SMIM14: variants seen among roughly 807,000 people sequenced by gnomAD.
SMIM14 encodes the protein chromosome 4 open reading frame 34.
Under a neutral mutation model 12.6 loss-of-function variants are expected in SMIM14, and 5 were observed. That is an observed-to-expected ratio of 0.40 (90% confidence interval 0.21 to 0.83). SMIM14 has a LOEUF of 0.83. Among genes scored for constraint, SMIM14 ranks in the 40% least tolerant of loss-of-function variants. The pLI, the probability that SMIM14 is intolerant of heterozygous loss-of-function variation, is 0.37. For synonymous variants in SMIM14, 30 were observed against 40.1 expected (o/e 0.75, Z 0.95); for missense variants, 86 against 119.1 (o/e 0.72, Z 1.29).
intron 1 of SMIM14, among the ~76,000 whole-genome samples, chr4:39,612,659 G>A (rs1047465955): frequency 1.3e-5 from 2 of 148,392 alleles, no homozygotes; most frequent in African/African-American, 2.5e-5. Flanking sequence ...GGAGTGCAGT[G>A]GCACAATCAT....
chr4:39,617,519 T>A (rs1326862209), intron 1 of SMIM14, among the ~76,000 whole-genome samples: 1 of 152,210 alleles, frequency 6.6e-6, no homozygotes, highest in South Asian at 2.1e-4. Flanking sequence ...TTAAACCCTG[T>A]CTTACCCTCT....
At chr4:39,563,371 T>C (rs1712412896) in intron 3 of SMIM14, among the ~76,000 whole-genome samples, 1 of 152,154 alleles carries the variant, frequency 6.6e-6, no homozygotes, top group Admixed American at 6.5e-5. Flanking sequence ...CCCTCTTCTT[T>C]CTCTAGCCAA....
In SMIM14 at chr4:39,592,150, A is replaced by G. The variant is rs558081672; in HGVS notation, c.75+12921T>C. Among the ~76,000 whole-genome samples the G allele has an allele frequency of 2.6e-4, 40 of 152,102 alleles. No individual in the cohort carries two copies. The South Asian group carries it at 7.5e-3, about 28-fold the overall frequency. ...GTTCAAGGCTGCAGTGATCTATTAC[A>G]CCACTCCACTCCAGCCTAGATGATA... On this transcript the variant is annotated intron_variant, in intron 2 of 4. Coordinates refer to ENST00000295958, the MANE Select transcript of SMIM14 (RefSeq NM_174921.3).
intron 1 of SMIM14, among the ~76,000 whole-genome samples, chr4:39,611,244 G>A (rs1298097719): frequency 6.6e-6 from 1 of 152,196 alleles, no homozygotes; most frequent in East Asian, 1.9e-4. Flanking sequence ...GGTGGCTCAC[G>A]CCTATAATCC....
chr4:39,599,098 A>G (rs1045923320), intron 2 of SMIM14, among the ~76,000 whole-genome samples: 3 of 152,224 alleles, frequency 2.0e-5, no homozygotes, highest in Non-Finnish European at 2.9e-5. Flanking sequence ...TTGGCTGGAT[A>G]CAGAATGCTG....
chr4:39,616,322 G>C (rs551298336), intron 1 of SMIM14, among the ~76,000 whole-genome samples: 2 of 152,240 alleles, frequency 1.3e-5, no homozygotes, highest in East Asian at 3.9e-4. Context: ...TTTTAGTAAA[G>C]ACGGAGTTTC....
chr4:39,637,206 AT>A (rs936349186), intron 1 of SMIM14, among the ~76,000 whole-genome samples: 20 of 151,816 alleles, frequency 1.3e-4, no homozygotes, highest in Non-Finnish European at 2.4e-4. Flanking sequence ...AGGATTATTG[AT>A]TTTTTTTTCC....
At chr4:39,622,361 C>A (rs578192577) in intron 1 of SMIM14, among the ~76,000 whole-genome samples, 1 of 151,508 alleles carries the variant, frequency 6.6e-6, no homozygotes, top group Non-Finnish European at 1.5e-5. Flanking sequence ...GGATTACAGG[C>A]GTGAGCCACC....
Position 39,551,384 on chromosome 4 carries a change from C to T in SMIM14, c.*742G>A, listed in dbSNP as rs992022674. ...ACCTTGTAAGGCTAGTGTTGAGTGG[C>T]TTACAAATGTCATATAATGGACTGT... On this transcript the variant is annotated 3_prime_UTR_variant, in exon 5 of 5. Coordinates refer to ENST00000295958, the MANE Select transcript of SMIM14 (RefSeq NM_174921.3). 1.3e-5 allele frequency: 2 copies of T among 152,598 alleles called. No homozygotes were observed. The highest frequency in any genetic ancestry group is 2.4e-5 in the African/African-American group (1 of 41,432). 9.5% of individuals were successfully genotyped at this position (152,598 alleles called of 1,614,324 possible).
chr4:39,626,359 A>G (rs1438304940), intron 1 of SMIM14, among the ~76,000 whole-genome samples: 1 of 152,092 alleles, frequency 6.6e-6, no homozygotes, highest in Non-Finnish European at 1.5e-5. Context: ...CACTATTACA[A>G]CTTTGGAGAT....
chr4:39,638,263 G>A (rs142004892), intron 1 of SMIM14: 2,471 of 162,976 alleles, frequency 0.015, 84 homozygotes, highest in African/African-American at 0.055. Context: ...CGCTTTCAGG[G>A]TGTCAGCTTT....
intron 4 of SMIM14, among the ~76,000 whole-genome samples, chr4:39,553,927 C>T (rs1489246891): frequency 1.3e-5 from 2 of 152,082 alleles, no homozygotes; most frequent in African/African-American, 4.8e-5. Context: ...TAGCATGCTA[C>T]GTATCTTTTT....
At chr4:39,635,685 G>A (rs917130191) in intron 1 of SMIM14, among the ~76,000 whole-genome samples, 5 of 152,148 alleles carry the variant, frequency 3.3e-5, no homozygotes, top group South Asian at 4.1e-4. Flanking sequence ...TGAAAATAGA[G>A]ATTTAAAGAT....
At chr4:39,571,447 G>A (rs968607623) in intron 3 of SMIM14, among the ~76,000 whole-genome samples, 2 of 152,054 alleles carry the variant, frequency 1.3e-5, no homozygotes, top group African/African-American at 4.8e-5. Flanking sequence ...ATGCATGGTG[G>A]TGCATCCCTG....
At chr4:39,622,816 T>C (rs1715553951) in intron 1 of SMIM14, among the ~76,000 whole-genome samples, 1 of 152,256 alleles carries the variant, frequency 6.6e-6, no homozygotes, top group Admixed American at 6.5e-5. Context: ...TTTCACTTTG[T>C]ACAGTTTTCA....
chr4:39,584,522 G>A (rs1205469626), intron 2 of SMIM14, among the ~76,000 whole-genome samples: 5 of 99,902 alleles, frequency 5.0e-5, no homozygotes, highest in South Asian at 3.2e-4. Flanking sequence ...CAGGCTGGGC[G>A]CAGTGGCTCA....
intron 1 of SMIM14, among the ~76,000 whole-genome samples, chr4:39,632,008 T>C (rs1267332225): frequency 1.3e-5 from 2 of 152,116 alleles, no homozygotes; most frequent in Non-Finnish European, 2.9e-5. Flanking sequence ...TCGTAAATGT[T>C]ATCAAATACA....
rs1373335317 is a variant in SMIM14, at chr4:39,636,170, T to TC, written c.-36+2568dup. 6.9e-3 allele frequency among the ~76,000 whole-genome samples: 411 copies of TC among 59,944 alleles called. 5 individuals carry two copies. Among genetic ancestry groups the TC allele is most frequent in the African/African-American group, 0.027 (368 of 13,398 alleles). The allele number at this position is 59,944 out of a possible 152,430, so 39.3% of individuals were successfully genotyped here. A position where few individuals can be genotyped will look rare whatever the true frequency, so the allele number is the denominator to read the frequency against. ...CTGTACAATAGAGCAAGACTCCATC[T>TC]CCCAAAAAAAAAAAAAAAAAAAAAA... On this transcript the variant is annotated intron_variant, in intron 1 of 4. Coordinates refer to ENST00000295958, the MANE Select transcript of SMIM14 (RefSeq NM_174921.3).
intron 1 of SMIM14, among the ~76,000 whole-genome samples, chr4:39,633,614 T>C (rs1424769844): frequency 1.3e-5 from 2 of 151,756 alleles, no homozygotes; most frequent in Non-Finnish European, 2.9e-5. Context: ...CAAAAAAAAA[T>C]TAGTGTGGTA....
Sources: allele counts gnomAD v4.1 joint callset (sites outside exome capture counted in the v4.1 genomes callset), GRCh38; gene constraint gnomAD v4.1.1; transcripts MANE v1.5; gene names NCBI Gene and HGNC (gene_info 2026-07-23, HGNC 2026-07-21).